The following GRIK4 variants were observed in gnomAD, a reference collection of about 807,000 sequenced individuals.
The protein encoded by GRIK4 is glutamate ionotropic receptor kainate type subunit 4, also known as glutamate receptor ionotropic, kainate 4.
A neutral mutation model predicts 104.9 loss-of-function variants in GRIK4; 40 were observed. That is an observed-to-expected ratio of 0.38 (90% confidence interval 0.30 to 0.50). The LOEUF is 0.50. Ranked by LOEUF, GRIK4 falls within the 20% of genes least tolerant of loss-of-function variation. The pLI is 0.93. For missense variants in GRIK4, 1,047 were observed against 1,308.1 expected (o/e 0.80, Z 3.08); for synonymous variants, 485 against 524.9 (o/e 0.92, Z 1.04).
chr11:120,887,270 A>G (rs1045102547), intron 11 of GRIK4, among the ~76,000 whole-genome samples: 2 of 152,160 alleles, frequency 1.3e-5, no homozygotes, highest in Non-Finnish European at 1.5e-5. Flanking sequence ...CCTTCATGCC[A>G]GGGAAGCAGT....
intron 8 of GRIK4, among the ~76,000 whole-genome samples, chr11:120,851,260 A>G (rs925987957): frequency 6.6e-6 from 1 of 152,140 alleles, no homozygotes; most frequent in African/African-American, 2.4e-5. Context: ...CCCCCCAGCC[A>G]TACTGAATGA....
At chr11:120,842,968 CACTGCCTA>C (rs1261866743) in intron 8 of GRIK4, among the ~76,000 whole-genome samples, 4 of 152,238 alleles carry the variant, frequency 2.6e-5, no homozygotes, top group African/African-American at 9.6e-5. Flanking sequence ...GATATGCAGT[CACTGCCTA>C]ACAGAAAAGA....
At chr11:120,635,775 A>G (rs1265648071) in intron 1 of GRIK4, among the ~76,000 whole-genome samples, 2 of 152,202 alleles carry the variant, frequency 1.3e-5, no homozygotes. Flanking sequence ...TTGTCTTAAA[A>G]ATTATTTTAG....
intron 3 of GRIK4, among the ~76,000 whole-genome samples, chr11:120,708,129 C>T (rs1241825001): frequency 6.6e-6 from 1 of 152,100 alleles, no homozygotes; most frequent in African/African-American, 2.4e-5. Context: ...ATACCATCTC[C>T]ATATGAGCCA....
chr11:120,946,525 A>G (rs1943864605), intron 14 of GRIK4, among the ~76,000 whole-genome samples: 1 of 152,202 alleles, frequency 6.6e-6, no homozygotes, highest in East Asian at 1.9e-4. Flanking sequence ...AAATTAAATA[A>G]TTTAAAATAA....
intron 13 of GRIK4, among the ~76,000 whole-genome samples, chr11:120,935,925 G>A (rs541692713): frequency 3.4e-4 from 52 of 152,088 alleles, no homozygotes; most frequent in Non-Finnish European, 6.3e-4. Flanking sequence ...CAAATCCTAC[G>A]TAGCCTTACA....
At chr11:120,857,596 A>C (rs1954142809) in intron 8 of GRIK4, among the ~76,000 whole-genome samples, 1 of 152,218 alleles carries the variant, frequency 6.6e-6, no homozygotes, top group Non-Finnish European at 1.5e-5. Context: ...ATTTAAAAAA[A>C]AAATACAATA....
At chr11:120,581,961 C>T (rs745753304) in intron 1 of GRIK4, among the ~76,000 whole-genome samples, 3 of 152,000 alleles carry the variant, frequency 2.0e-5, no homozygotes, top group Non-Finnish European at 4.4e-5. Flanking sequence ...TGCCCACCAC[C>T]ACGCCCGGCT....
chr11:120,745,329 A>G (rs758932239), intron 3 of GRIK4, among the ~76,000 whole-genome samples: 48 of 151,758 alleles, frequency 3.2e-4, no homozygotes, highest in Non-Finnish European at 6.3e-4. Flanking sequence ...AAATCTATAA[A>G]TTTTTTTTTC....
Position 120,953,005 on chromosome 11 carries a change from C to T in GRIK4, c.1700+41C>T, listed in dbSNP as rs529855033. 73 of 1,084,478 alleles carry T rather than the reference C, an allele frequency of 6.7e-5. No homozygotes were observed. Among genetic ancestry groups the T allele is most frequent in the Non-Finnish European group, 9.1e-5 (67 of 732,540 alleles). 67.2% of individuals were successfully genotyped at this position (1,084,478 alleles called of 1,614,324 possible). ...CTTCCCTGTCCTTACACCGCCACCT[C>T]GTGTCCACCTCTGGGAACTGCATGG... On this transcript the variant is annotated intron_variant, in intron 15 of 20. Transcript: ENST00000527524. The surrounding 1 kb of genome is among the most constrained non-coding windows in gnomAD (Gnocchi z 4.9).
chr11:120,618,979 G>A (rs1369781992), intron 1 of GRIK4, among the ~76,000 whole-genome samples: 1 of 152,196 alleles, frequency 6.6e-6, no homozygotes, highest in Non-Finnish European at 1.5e-5. Flanking sequence ...TGTGAGAAGA[G>A]GGTCACCATC....
chr11:120,839,502 T>G (rs887811545), intron 8 of GRIK4, among the ~76,000 whole-genome samples: 5 of 152,196 alleles, frequency 3.3e-5, no homozygotes, highest in African/African-American at 4.8e-5. Context: ...GGACTCACAA[T>G]ACGAGTTTAT....
At chr11:120,868,002 T>C (rs964320267) in intron 9 of GRIK4, 2 of 152,230 alleles carry the variant, frequency 1.3e-5, no homozygotes, top group Non-Finnish European at 2.9e-5. Flanking sequence ...GGGATTTTAA[T>C]GGTTCCTGTC....
intron 1 of GRIK4, among the ~76,000 whole-genome samples, chr11:120,517,360 G>C (rs1015948811): frequency 1.3e-5 from 2 of 149,112 alleles, no homozygotes; most frequent in African/African-American, 5.1e-5. Context: ...GGGTGTCCCA[G>C]GCTCCTTGGT....
intron 4 of GRIK4, among the ~76,000 whole-genome samples, chr11:120,810,172 C>T (rs1180123735): frequency 2.0e-5 from 3 of 152,204 alleles, no homozygotes; most frequent in African/African-American, 7.2e-5. Context: ...TATTCAAATA[C>T]TCACACATTG....
At chr11:120,877,025 C>T (rs1480052136) in intron 11 of GRIK4, among the ~76,000 whole-genome samples, 11 of 152,184 alleles carry the variant, frequency 7.2e-5, no homozygotes, top group African/African-American at 2.7e-4. Context: ...ATGCTGGGCC[C>T]TGAGGCCAGG....
intron 1 of GRIK4, among the ~76,000 whole-genome samples, chr11:120,525,622 GCCGCGTGCTACGTCC>G (rs1947847097): frequency 6.6e-6 from 1 of 152,228 alleles, no homozygotes; most frequent in Non-Finnish European, 1.5e-5. Flanking sequence ...ACCAAGGTTA[GCCGCGTGCTACGTCC>G]CCGTGTCTAG....
intron 3 of GRIK4, among the ~76,000 whole-genome samples, chr11:120,791,217 G>C (rs1284362703): frequency 6.6e-6 from 1 of 152,170 alleles, no homozygotes; most frequent in Non-Finnish European, 1.5e-5. Flanking sequence ...AGCGAGGGAA[G>C]AGGTTGGGGC....
chr11:120,728,563 A>T (rs922747373), intron 3 of GRIK4, among the ~76,000 whole-genome samples: 33 of 152,284 alleles, frequency 2.2e-4, no homozygotes, highest in African/African-American at 7.7e-4. Flanking sequence ...GAGAATAGAG[A>T]TGGTATATGC....
Sources: allele counts gnomAD v4.1 joint callset (sites outside exome capture counted in the v4.1 genomes callset), GRCh38; gene constraint gnomAD v4.1.1; non-coding constraint Gnocchi (gnomAD v3.1); transcripts MANE v1.5; gene names NCBI Gene and HGNC (gene_info 2026-07-23, HGNC 2026-07-21).